PLEC: variants seen among roughly 807,000 people sequenced by gnomAD.
PLEC encodes plectin, also known as hemidesmosomal protein 1.
Under a neutral mutation model 392.8 loss-of-function variants are expected in PLEC, and 216 were observed. The observed-to-expected ratio is 0.55, with a 90% CI of 0.49 to 0.62. The LOEUF is 0.62. Ranked by LOEUF, PLEC falls within the 20% of genes least tolerant of loss-of-function variation. PLEC has a pLI of 0.00. For missense variants in PLEC, 6,863 were observed against 6,563.4 expected (o/e 1.05, Z -1.58); for synonymous variants, 3,621 against 2,980.6 (o/e 1.21, Z -7.00).
upstream of PLEC, among the ~76,000 whole-genome samples, chr8:143,940,749 CGTG>C (rs1830308645): frequency 1.3e-5 from 2 of 152,292 alleles, no homozygotes; most frequent in South Asian, 4.1e-4. Context: ...CCCCTGAGGC[CGTG>C]AGGGGGCACC....
intron 1 of PLEC, among the ~76,000 whole-genome samples, chr8:143,972,560 C>T (rs979518149): frequency 2.6e-5 from 4 of 152,242 alleles, no homozygotes; most frequent in African/African-American, 9.6e-5. Flanking sequence ...CCAGCAAAAC[C>T]AGCCACGTGG....
Position 143,918,220 on chromosome 8 carries a change from G to A in PLEC, c.11601C>T (p.Asp3867=), listed in dbSNP as rs75833626. 8.3e-3 allele frequency: 13,090 copies of A among 1,577,984 alleles called. 920 individuals carry two copies. In the African/African-American group the frequency reaches 0.15, roughly 18 times the overall value. ...YTQLLRRCRR[D]DGTGQLLLPL... ...GCAGGAGCAGCTGGCCGGTGCCGTC[G>A]TCACGACGGCACCGCCTGAGCAGCT... is the stretch of plus-strand genomic sequence containing the variant. Residue 3867 remains aspartate (D), a synonymous_variant, in exon 32 of 32, where the codon GAC becomes GAT. Transcript: ENST00000345136.
Position 143,921,726 on chromosome 8 carries a change from C to T in PLEC, c.8095G>A (p.Ala2699Thr), listed in dbSNP as rs782264628. 46 of 1,612,748 alleles carry T rather than the reference C, an allele frequency of 2.9e-5. No individual in the cohort carries two copies. Among genetic ancestry groups the T allele is most frequent in the East Asian group, 2.0e-4 (9 of 44,890 alleles). The change falls in exon 32 of 32, where the codon GCA becomes ACA. Residue 2699 changes from alanine (A) to threonine (T), a missense_variant. Ala to Thr is a moderately conservative substitution (Grantham distance 58). Coordinates refer to ENST00000345136, the MANE Select transcript of PLEC (RefSeq NM_201384.3). ...TTGGTGGCCTTCAGCAACAGCCCTG[C>T]GATACTGCTGCGGCCCTGCAGGTAG... Reference protein sequence around the residue: ...RHYLQGRSSIAGLLLKATNEK... With the variant: ...RHYLQGRSSITGLLLKATNEK...
intron 13 of PLEC, 42 bp downstream of exon 13, chr8:143,933,155 C>CCG: frequency 6.2e-7 from 1 of 1,608,242 alleles, no homozygotes; most frequent in Non-Finnish European, 8.5e-7. Context: ...GGGCCTGGGG[C>CCG]CGTGTGTACC....
chr8:143,961,786 T>C (rs1832883967), intron 1 of PLEC, among the ~76,000 whole-genome samples: 1 of 152,184 alleles, frequency 6.6e-6, no homozygotes, highest in Admixed American at 6.5e-5. Context: ...ATCATGAAAT[T>C]ACAGATAAAT....
In PLEC at chr8:143,917,566, G is replaced by A. The variant is rs782193445; in HGVS notation, c.12255C>T (p.Asp4085=). 6.1e-5 allele frequency: 99 copies of A among 1,613,812 alleles called. No individual in the cohort carries two copies. The highest frequency in any genetic ancestry group is 8.3e-5 in the Admixed American group (5 of 60,006). The change falls in exon 32 of 32, where the codon GAC becomes GAT. Residue 4085 remains aspartate, a synonymous_variant. Coordinates refer to ENST00000345136, the MANE Select transcript of PLEC (RefSeq NM_201384.3). ...TAGGGTCAAAGAAGCCCTTGGTGTC[G>A]TCCGAGGGGTCGGTCAGGATCTCGT... ...EMNEILTDPS[D]DTKGFFDPNT... is the part of the protein sequence containing the mutation.
At chr8:143,975,344 C>T (rs138978753), upstream of PLEC, 1,364 of 1,610,290 alleles carry the variant, frequency 8.5e-4, 8 homozygotes, top group African/African-American at 0.016. The surrounding 1 kb of genome is among the most constrained non-coding windows in gnomAD (Gnocchi z 9.9). Flanking sequence ...AGAGACTGCC[C>T]GGACCTCAGC....
chr8:143,949,932 G>A (rs1202936339), intron 1 of PLEC, among the ~76,000 whole-genome samples: 1 of 152,174 alleles, frequency 6.6e-6, no homozygotes, highest in Non-Finnish European at 1.5e-5. Context: ...GGCGCCCCGG[G>A]GTGTGCCTGG....
chr8:143,937,788 C>T (rs1489011931), intron 3 of PLEC: 3 of 517,848 alleles, frequency 5.8e-6, no homozygotes, highest in Non-Finnish European at 1.1e-5. Context: ...CCCTCGGCTG[C>T]CCGGCCAGAG....
chr8:143,950,322 G>A (rs1160467642), exon 1 of PLEC: 9 of 1,574,774 alleles, frequency 5.7e-6, no homozygotes, highest in East Asian at 2.3e-5. Flanking sequence ...AGCGGCCCCC[G>A]CTTGGGTGGG....
chr8:143,945,427 G>A, intron 1 of PLEC: 1 of 307,304 alleles, frequency 3.3e-6, no homozygotes, highest in Admixed American at 4.9e-5. Context: ...CATATCCTAT[G>A]CAGATCAGAT....
Position 143,939,452 on chromosome 8 carries a change from G to A in PLEC, c.10C>T (p.His4Tyr), listed in dbSNP as rs1554726780. MSQ[H>Y]QLRVPQPEGL... The stretch of plus-strand genomic sequence containing the variant: ...TCGGGCTGCGGCACGCGGAGCTGGT[G>A]CTGAGACATGCTGCCCCCACACCTT... Residue 4 changes from histidine (H) to tyrosine (Y), a missense_variant, in exon 1 of 32, where the codon CAC (histidine) becomes TAC (tyrosine). Coordinates refer to ENST00000345136, the MANE Select transcript of PLEC (RefSeq NM_201384.3). 6.2e-7 allele frequency: 1 copy of A among 1,611,112 alleles called. No homozygotes were observed. The highest frequency in any genetic ancestry group is 8.5e-7 in the Non-Finnish European group (1 of 1,179,418).
rs1425824084 is a variant in PLEC at position 143,938,528 on chromosome 8, C to T, written c.174+103G>A. ...ACAGGTTTCAGAGATGAAAGGTGAG[C>T]ACACAGGCAGCATGGGGACAGCCTT... is the stretch of plus-strand genomic sequence containing the variant. On this transcript the variant is annotated intron_variant, in intron 2 of 31. Transcript: ENST00000345136. The T allele has an allele frequency of 5.8e-6, 9 of 1,545,580 alleles. No individual in the cohort carries two copies. In the South Asian group the frequency reaches 6.7e-5, roughly 11 times the overall value.
At position 143,937,066 on chromosome 8, in the gene PLEC, C is replaced by T. The variant is rs782145430; in HGVS notation, c.348G>A (p.Lys116=). The change falls in exon 5 of 32, where the codon AAG becomes AAA. Residue 116 remains lysine, a synonymous_variant. Transcript: ENST00000345136. ...TGTCATCATTCCTGATGTTCACCAG[C>T]TTCACCTGTGAGCGAGGGGCTCTCG... is the stretch of plus-strand genomic sequence containing the variant. The part of the protein sequence containing the change: ...ALDYLRHRQV[K]LVNIRNDDIA... 2.5e-6 allele frequency: 4 copies of T among 1,612,868 alleles called. No homozygotes were observed. Among genetic ancestry groups the T allele is most frequent in the Non-Finnish European group, 3.4e-6 (4 of 1,179,664 alleles).
rs782273453 is a variant in PLEC at position 143,924,157 on chromosome 8, C to G, written c.5772G>C (p.Glu1924Asp). 2.5e-4 allele frequency: 400 copies of G among 1,599,036 alleles called. 4 individuals carry two copies. The highest frequency in any genetic ancestry group is 1.7e-5 in the Admixed American group (1 of 59,994). Residue 1924 changes from glutamate (E) to aspartate (D), a missense_variant, in exon 31 of 32, where the codon GAG (glutamate) becomes GAC (aspartate). By Grantham distance (45) the Glu-to-Asp change is conservative. Transcript: ENST00000345136. ...EDTLRQRRQVEEEILALKASF... is the reference protein window; with the variant it reads ...EDTLRQRRQVDEEILALKASF... ...TCGCCTTCAGCGCCAGGATCTCCTCCTCCACCTGCCGCCGCTGCCTCAGCG... is the reference window on the plus strand; with the variant it reads ...TCGCCTTCAGCGCCAGGATCTCCTCGTCCACCTGCCGCCGCTGCCTCAGCG...
At chr8:143,932,607 TC>T in intron 15 of PLEC, 27 bp downstream of exon 15, 1 of 1,611,028 alleles carries the variant, frequency 6.2e-7, no homozygotes. Flanking sequence ...GCTACCCACC[TC>T]CCCCGGCTGG....
At position 143,923,641 on chromosome 8, in the gene PLEC, G is replaced by A; in HGVS notation, c.6288C>T (p.Ala2096=). 2 of 1,579,380 alleles carry A rather than the reference G, an allele frequency of 1.3e-6. No individual in the cohort carries two copies. The highest frequency in any genetic ancestry group is 1.7e-6 in the Non-Finnish European group (2 of 1,170,508). ...ARRAAEEAEE[A]RVQAEREAAQ... is the part of the protein sequence containing the mutation. ...CCGCCTCACGCTCCGCCTGCACCCG[G>A]GCCTCCTCCGCCTCCTCAGCCGCCC... Residue 2096 remains alanine, a synonymous_variant, in exon 31 of 32, where the codon GCC becomes GCT. Transcript: ENST00000345136.
upstream of PLEC, chr8:143,944,063 C>CCGCCTCCT (rs1831032478): frequency 2.2e-6 from 2 of 895,408 alleles, no homozygotes. Context: ...CAGCTCCCGC[C>CCGCCTCCT]CGCCTCCTCT....
At chr8:143,943,842 C>T (rs782695120), upstream of PLEC, 3 of 1,612,230 alleles carry the variant, frequency 1.9e-6, no homozygotes, top group Middle Eastern at 1.6e-4. Flanking sequence ...AGGGTGACAA[C>T]GTGACCCACA....
Sources: gnomAD v4.1 joint callset for allele counts (sites outside exome capture counted in the v4.1 genomes callset) on GRCh38, gnomAD v4.1.1 for gene constraint, Gnocchi (gnomAD v3.1) non-coding constraint, MANE v1.5 for transcripts, NCBI Gene and HGNC (gene_info 2026-07-23, HGNC 2026-07-21) for gene names.